CTRC: variants seen among roughly 807,000 people sequenced by gnomAD.
The protein encoded by CTRC is chymotrypsin C.
In CTRC, 32 loss-of-function variants were observed where a neutral mutation model predicts 35.7. The observed-to-expected ratio is 0.90, with a 90% CI of 0.68 to 1.20. CTRC has a LOEUF of 1.20. Among genes scored for constraint, CTRC ranks in the 50% most tolerant of loss-of-function variants. The pLI is 0.00. For missense variants in CTRC, 324 were observed against 361.5 expected, an observed-to-expected ratio of 0.90 and a Z score of 0.84; for synonymous variants, 119 against 149.5, an observed-to-expected ratio of 0.80 and a Z score of 1.49.
chr1:15,439,336 G>T (rs1473036896), intron 1 of CTRC, among the ~76,000 whole-genome samples: 1 of 150,332 alleles, frequency 6.7e-6, no homozygotes, highest in Admixed American at 6.7e-5. Flanking sequence ...TGAGGCAGGA[G>T]AATTGCTTGA....
rs1450083315 is a variant in CTRC, at chr1:15,443,465, G to A, written c.403G>A (p.Asp135Asn). The A allele has an allele frequency of 9.3e-6, 15 of 1,614,212 alleles. No individual in the cohort carries two copies. The highest frequency in any genetic ancestry group is 1.2e-5 in the Non-Finnish European group (14 of 1,180,046). Residue 135 changes from aspartate (D) to asparagine (N), a missense_variant, in exon 5 of 8, where the codon GAC (aspartate) becomes AAC (asparagine). Asp to Asn is a conservative substitution (Grantham distance 23). Coordinates refer to ENST00000375949, the MANE Select transcript of CTRC (RefSeq NM_007272.3). ...GCTTGCAGAGCATGTGGAGCTGAGT[G>A]ACACCATCCAGGTGGCCTGCCTGCC... ...IKLAEHVELS[D>N]TIQVACLPEK...
At chr1:15,438,640 A>G in intron 1 of CTRC, 136 bp downstream of exon 1, 1 of 911,192 alleles carries the variant, frequency 1.1e-6, no homozygotes, top group East Asian at 2.5e-5. Flanking sequence ...TTCAGATGCT[A>G]CCAACCAGCT....
rs1708235373 is a variant in CTRC, at chr1:15,447,192, C to G, written c.*603C>G. 5.5e-6 allele frequency: 1 copy of G among 182,838 alleles called. No individual in the cohort carries two copies. The highest frequency in any genetic ancestry group is 1.2e-4 in the South Asian group (1 of 8,576). The allele number at this position is 182,838 out of a possible 1,614,324, so 11.3% of individuals were successfully genotyped here. ...GCACAGACCCCATGGCTGCTGTTGG[C>G]AGGGGCTCTCTGCTTTGAGAAGTGT... On this transcript the variant is annotated 3_prime_UTR_variant, in exon 8 of 8. Coordinates refer to ENST00000375949, the MANE Select transcript of CTRC (RefSeq NM_007272.3).
chr1:15,446,356 G>C (rs1176737024), intron 7 of CTRC, among the ~76,000 whole-genome samples: 2 of 152,258 alleles, frequency 1.3e-5, no homozygotes, highest in Non-Finnish European at 2.9e-5. Flanking sequence ...CCCTGGGCTG[G>C]GGGCTTCCCC....
At position 15,442,475 on chromosome 1, in the gene CTRC, G is replaced by T; in HGVS notation, c.259G>T (p.Gly87Ter). Residue 87 changes from glycine (G) to a stop codon, truncating the protein, a stop_gained, in exon 4 of 8, where the codon GGA becomes TGA. Coordinates refer to ENST00000375949, the MANE Select transcript of CTRC (RefSeq NM_007272.3). LOFTEE classifies it high-confidence loss of function. ...CACCCGGACCTACCGTGTGGCCGTG[G>T]GAAAGAACAACCTGGAGGTGGAAGA... ...SNTRTYRVAV[G>*]KNNLEVEDEE... is the part of the protein sequence containing the mutation. 6.2e-7 allele frequency: 1 copy of T among 1,614,096 alleles called. No homozygotes were observed. Among genetic ancestry groups the T allele is most frequent in the South Asian group, 1.1e-5 (1 of 91,062 alleles).
Position 15,440,591 on chromosome 1 carries a change from G to T in CTRC, c.230+1G>T. The T allele has an allele frequency of 6.2e-7, 1 of 1,613,924 alleles. No individual in the cohort carries two copies. Among genetic ancestry groups the T allele is most frequent in the Non-Finnish European group, 8.5e-7 (1 of 1,179,926 alleles). On this transcript the variant is annotated splice_donor_variant, in intron 3 of 7. Coordinates refer to ENST00000375949, the MANE Select transcript of CTRC (RefSeq NM_007272.3). LOFTEE classifies it high-confidence loss of function. ...TCCTCACTGCCGCCCACTGCATCAG[G>T]TGTGCGGGGATGATACCCTGAGACC...
At position 15,447,433 on chromosome 1, in the gene CTRC, A is replaced by T. The variant is rs1708238898; in HGVS notation, c.*844A>T. On this transcript the variant is annotated 3_prime_UTR_variant, in exon 8 of 8. Transcript: ENST00000375949. ...GAGGAAGGAGTTGGGATAGCTGGCA[A>T]TGCCTGATCCAGGAGAAGAGAGTTC... The T allele has an allele frequency of 1.3e-5, 2 of 153,366 alleles. No individual in the cohort carries two copies. The highest frequency in any genetic ancestry group is 4.8e-5 in the African/African-American group (2 of 41,482). The allele number at this position is 153,366 out of a possible 1,614,324, so 9.5% of individuals were successfully genotyped here. A position where few individuals can be genotyped will look rare whatever the true frequency, so the allele number is the denominator to read the frequency against.
At position 15,445,771 on chromosome 1, in the gene CTRC, G is replaced by C; in HGVS notation, c.792+22G>C. On this transcript the variant is annotated intron_variant, in intron 7 of 7. Coordinates refer to ENST00000375949, the MANE Select transcript of CTRC (RefSeq NM_007272.3). ...CGAGGTGGGTGCTGCCTCCACAGCT[G>C]TCCCTGCACCTGTCAGCCCCTCCCC... 3 of 1,613,604 alleles carry C rather than the reference G, an allele frequency of 1.9e-6. No individual in the cohort carries two copies. The South Asian group carries it at 3.3e-5, about 18-fold the overall frequency.
chr1:15,441,982 TC>T (rs1025481756), intron 3 of CTRC, among the ~76,000 whole-genome samples: 4 of 151,948 alleles, frequency 2.6e-5, no homozygotes, highest in African/African-American at 9.7e-5. Flanking sequence ...CCTCAAGCAA[TC>T]CCCCCGTCTC....
Position 15,445,749 on chromosome 1 carries a change from G to A in CTRC, c.792G>A (p.Glu264=). 11 of 1,614,040 alleles carry A rather than the reference G, an allele frequency of 6.8e-6. No homozygotes were observed. Among genetic ancestry groups the A allele is most frequent in the Non-Finnish European group, 9.3e-6 (11 of 1,180,020 alleles). ...CCGCCTACATCGACTGGATCAACGA[G>A]GTGGGTGCTGCCTCCACAGCTGTCC... ...RVSAYIDWIN[E]KMQL The change falls in exon 7 of 8, where the codon GAG becomes GAA. Residue 264 remains glutamate (E), a splice_region_variant and synonymous_variant. Transcript: ENST00000375949.
At chr1:15,444,548 G>A in intron 5 of CTRC, 58 bp from the exon 6 acceptor site, 1 of 1,610,642 alleles carries the variant, frequency 6.2e-7, no homozygotes, top group Non-Finnish European at 8.5e-7. Context: ...AAGGCCTGGG[G>A]AGGGGCTGGA....
In CTRC at chr1:15,444,759, G is replaced by T. The variant is rs1170810437; in HGVS notation, c.639+8G>T. On this transcript the variant is annotated splice_region_variant and intron_variant, in intron 6 of 7. Coordinates refer to ENST00000375949, the MANE Select transcript of CTRC (RefSeq NM_007272.3). Reference sequence around the variant, plus strand: ...GTCATCTCAGCCTGCAATGTGAGTGGCTAGGTTCTGCACCTTGTCCCTACT... The same window carrying T: ...GTCATCTCAGCCTGCAATGTGAGTGTCTAGGTTCTGCACCTTGTCCCTACT... The T allele has an allele frequency of 3.7e-6, 6 of 1,614,200 alleles. No homozygotes were observed. The highest frequency in any genetic ancestry group is 5.1e-6 in the Non-Finnish European group (6 of 1,180,024).
intron 1 of CTRC, 84 bp downstream of exon 1, chr1:15,438,588 G>T: frequency 6.8e-7 from 1 of 1,481,064 alleles, no homozygotes; most frequent in South Asian, 1.1e-5. Flanking sequence ...GAGTGGGGGG[G>T]CCTCTGCTCT....
chr1:15,446,590 T>A lies in CTRC; in HGVS notation c.*1T>A. The A allele has an allele frequency of 6.2e-7, 1 of 1,614,204 alleles. No individual in the cohort carries two copies. Among genetic ancestry groups the A allele is most frequent in the African/African-American group, 1.3e-5 (1 of 75,070 alleles). ...GCTCCTCCAGAAAATGCAGCTGTGA[T>A]TTGTTGCTGGGAGCGGCGGCAGCGA... On this transcript the variant is annotated 3_prime_UTR_variant, in exon 8 of 8. Transcript: ENST00000375949.
chr1:15,438,588 G>A, intron 1 of CTRC, 84 bp downstream of exon 1: 2 of 1,481,066 alleles, frequency 1.4e-6, no homozygotes, highest in African/African-American at 1.4e-5. Flanking sequence ...GAGTGGGGGG[G>A]CCTCTGCTCT....
Position 15,440,545 on chromosome 1 carries a change from C to T in CTRC, c.185C>T (p.Thr62Ile), listed in dbSNP as rs774966069. 2 of 1,614,162 alleles carry T rather than the reference C, an allele frequency of 1.2e-6. No homozygotes were observed. The highest frequency in any genetic ancestry group is 1.3e-5 in the African/African-American group (1 of 75,046). ...NDTWRHTCGG[T>I]LIASNFVLTA... Reference sequence around the variant, plus strand: ...ACGTGGAGGCATACGTGTGGCGGGACTTTGATTGCTAGCAACTTCGTCCTC... The same window carrying T: ...ACGTGGAGGCATACGTGTGGCGGGATTTTGATTGCTAGCAACTTCGTCCTC... Residue 62 changes from threonine to isoleucine, a missense_variant, in exon 3 of 8, where the codon ACT (threonine) becomes ATT (isoleucine). By Grantham distance (89) the Thr-to-Ile change is moderately conservative (BLOSUM62 -1). Coordinates refer to ENST00000375949, the MANE Select transcript of CTRC (RefSeq NM_007272.3).
intron 3 of CTRC, among the ~76,000 whole-genome samples, chr1:15,442,221 G>A (rs1307455131): frequency 1.3e-5 from 2 of 152,150 alleles, no homozygotes; most frequent in Non-Finnish European, 2.9e-5. Flanking sequence ...CCTTACAGAT[G>A]AGGGAACTGA....
intron 3 of CTRC, among the ~76,000 whole-genome samples, chr1:15,441,137 G>A (rs183121055): frequency 1.9e-4 from 29 of 152,228 alleles, no homozygotes; most frequent in Middle Eastern, 3.4e-3. Flanking sequence ...CCGAGATGGC[G>A]CCACTGCACT....
intron 4 of CTRC, among the ~76,000 whole-genome samples, chr1:15,443,150 A>G (rs539806436): frequency 6.6e-6 from 1 of 152,228 alleles, no homozygotes; most frequent in African/African-American, 2.4e-5. Flanking sequence ...GGTTTCGGAC[A>G]CTTCCACTCT....
Sources: gnomAD v4.1 joint callset for allele counts (sites outside exome capture counted in the v4.1 genomes callset) on GRCh38, gnomAD v4.1.1 for gene constraint, MANE v1.5 for transcripts, NCBI Gene and HGNC (gene_info 2026-07-23, HGNC 2026-07-21) for gene names.